Variants in CTNNA1 observed in about 807,000 individuals in gnomAD.
The protein encoded by CTNNA1 is catenin alpha-1.
CTNNA1 carries 37 observed loss-of-function variants against 98.4 expected under a neutral mutation model. That is an observed-to-expected ratio of 0.38 (90% CI 0.29 to 0.49). The LOEUF (loss-of-function observed/expected upper bound fraction) is 0.49. Among genes scored for constraint, CTNNA1 ranks in the 20% least tolerant of loss-of-function variants. The probability of loss-of-function intolerance (pLI) is 0.95; values close to 1 mark genes in which losing one functional copy is unlikely to be tolerated. For missense variants in CTNNA1, 761 were observed against 1,147.2 expected, an observed-to-expected ratio of 0.66 and a Z score of 4.86; for synonymous variants, 404 against 413.2, an observed-to-expected ratio of 0.98 and a Z score of 0.27.
intron 8 of CTNNA1, 117 bp from the exon 9 acceptor site, chr5:138,887,373 A>G (rs1438965909): frequency 1.5e-6 from 1 of 680,224 alleles, no homozygotes; most frequent in Non-Finnish European, 2.4e-6. Flanking sequence ...TCCTCATGTA[A>G]GTGCAGCAAG....
At chr5:138,837,506 C>T (rs898263450) in intron 7 of CTNNA1, among the ~76,000 whole-genome samples, 1 of 106,656 alleles carries the variant, frequency 9.4e-6, no homozygotes, top group Non-Finnish European at 1.9e-5. Context: ...CTTCCCCCTC[C>T]CCCTCCTCCC....
intron 4 of CTNNA1, among the ~76,000 whole-genome samples, chr5:138,810,679 A>G (rs983328155): frequency 6.6e-6 from 1 of 152,180 alleles, no homozygotes; most frequent in Non-Finnish European, 1.5e-5. Context: ...GAAGTTTCCC[A>G]TGTCTACTTC....
chr5:138,755,575 A>T (rs1007350290), intron 1 of CTNNA1, among the ~76,000 whole-genome samples: 3 of 152,170 alleles, frequency 2.0e-5, no homozygotes, highest in Admixed American at 6.5e-5. Flanking sequence ...TCATATAGTG[A>T]CTTAGAGATG....
At chr5:138,774,921 TTTAAG>T (rs1245288900) in intron 1 of CTNNA1, among the ~76,000 whole-genome samples, 1 of 152,224 alleles carries the variant, frequency 6.6e-6, no homozygotes, top group African/African-American at 2.4e-5. Flanking sequence ...TGCCACCTTT[TTTAAG>T]TTAAGAAGTA....
At chr5:138,930,001 T>C (rs891975565) in intron 14 of CTNNA1, among the ~76,000 whole-genome samples, 5 of 152,134 alleles carry the variant, frequency 3.3e-5, no homozygotes, top group Non-Finnish European at 7.4e-5. Context: ...GGCCTCCAGG[T>C]GTTGCTCAAG....
At chr5:138,929,424 C>T in intron 14 of CTNNA1, 68 bp downstream of exon 14, 1 of 776,906 alleles carries the variant, frequency 1.3e-6, no homozygotes. Context: ...TTCTTGTTTC[C>T]AGGAAAACAC....
chr5:138,930,355 C>T, intron 14 of CTNNA1, 118 bp from the exon 15 acceptor site: 2 of 733,004 alleles, frequency 2.7e-6, no homozygotes. Context: ...GAAATGAAAC[C>T]TATTAAAGCA....
chr5:138,859,437 CT>C (rs1310675637), intron 7 of CTNNA1, among the ~76,000 whole-genome samples: 1 of 152,148 alleles, frequency 6.6e-6, no homozygotes, highest in African/African-American at 2.4e-5. Flanking sequence ...CGGATGATGA[CT>C]TCTAAATTTA....
intron 7 of CTNNA1, among the ~76,000 whole-genome samples, chr5:138,834,408 A>G (rs768906476): frequency 5.9e-5 from 9 of 152,148 alleles, no homozygotes; most frequent in Non-Finnish European, 8.8e-5. Flanking sequence ...TGTTGTTAGT[A>G]ATGATTGTCC....
At chr5:138,894,946 C>T (rs563900650) in intron 9 of CTNNA1, among the ~76,000 whole-genome samples, 3 of 152,290 alleles carry the variant, frequency 2.0e-5, no homozygotes, top group Non-Finnish European at 2.9e-5. Context: ...GAACGCTTAT[C>T]CCCTCCATTG....
rs1467470716 is a variant in CTNNA1, at chr5:138,893,413, T to C, written c.1296+5771T>C. ...TGGGTGGGTGTTTGGCTCTTATGTA[T>C]GGCTTTGAAACTCATCTAGTATAAC... On this transcript the variant is annotated intron_variant, in intron 9 of 17. Transcript: ENST00000302763. Among the ~76,000 whole-genome samples, 5 of 152,242 alleles carry C rather than the reference T, an allele frequency of 3.3e-5. No individual in the cohort carries two copies. The East Asian group carries it at 9.6e-4, about 29-fold the overall frequency.
chr5:138,856,731 G>A (rs1049317642), intron 7 of CTNNA1, among the ~76,000 whole-genome samples: 1 of 152,098 alleles, frequency 6.6e-6, no homozygotes, highest in African/African-American at 2.4e-5. Context: ...TTGGCAGAAG[G>A]GTGGATTTTA....
At chr5:138,820,920 A>G (rs1759977944) in intron 5 of CTNNA1, among the ~76,000 whole-genome samples, 1 of 152,182 alleles carries the variant, frequency 6.6e-6, no homozygotes, top group Non-Finnish European at 1.5e-5. Context: ...TCATCTAACA[A>G]ATGGTGGAGC....
chr5:138,866,507 A>G (rs1160618311), intron 7 of CTNNA1, among the ~76,000 whole-genome samples: 4 of 152,094 alleles, frequency 2.6e-5, no homozygotes, highest in African/African-American at 4.8e-5. Flanking sequence ...TGCAGTTTTC[A>G]TATCTGTTTC....
chr5:138,820,911 C>T (rs760211938), intron 5 of CTNNA1, among the ~76,000 whole-genome samples: 11 of 152,178 alleles, frequency 7.2e-5, no homozygotes, highest in Non-Finnish European at 1.5e-4. Context: ...CAAGGTCACT[C>T]ATCTAACAAA....
rs1468605040 is a variant in CTNNA1 at position 138,923,008 on chromosome 5, G to A, written c.1547-1502G>A. ...TGGAAGTTTGGGTCACTTTTGAACGGAAAGGAATGCCATACTTCATTGATT... is the reference window on the plus strand; with the variant it reads ...TGGAAGTTTGGGTCACTTTTGAACGAAAAGGAATGCCATACTTCATTGATT... On this transcript the variant is annotated intron_variant, in intron 11 of 17. Transcript: ENST00000302763. Among the ~76,000 whole-genome samples, 5 of 141,800 alleles carry A rather than the reference G, an allele frequency of 3.5e-5. 1 individual carries two copies. Among genetic ancestry groups the A allele is most frequent in the Admixed American group, 3.5e-4 (5 of 14,402 alleles). 93.0% of individuals were successfully genotyped at this position (141,800 alleles called of 152,430 possible).
intron 9 of CTNNA1, among the ~76,000 whole-genome samples, chr5:138,894,178 C>T (rs530643477): frequency 6.6e-6 from 1 of 152,078 alleles, no homozygotes; most frequent in East Asian, 1.9e-4. Flanking sequence ...CTCAGCCTCC[C>T]AAAGTGCTAG....
At chr5:138,757,732 AGTTCTTGTCTTG>A (rs199926407) in intron 1 of CTNNA1, among the ~76,000 whole-genome samples, 4,998 of 152,216 alleles carry the variant, frequency 0.033, 234 homozygotes, top group African/African-American at 0.1. Context: ...TGAGAGTCTT[AGTTCTTGTCTTG>A]GTGCTTAGTA....
In CTNNA1 at chr5:138,776,943, G is replaced by A. The variant is rs1274569469; in HGVS notation, c.-2-4980G>A. On this transcript the variant is annotated intron_variant, in intron 1 of 17. Coordinates refer to ENST00000302763, the MANE Select transcript of CTNNA1 (RefSeq NM_001903.5). ...TCCCGGACGGGGCGGCTGGCCGGGCGGGGGGCTGACTCCCCCACCTCCCTC... is the reference window on the plus strand; with the variant it reads ...TCCCGGACGGGGCGGCTGGCCGGGCAGGGGGCTGACTCCCCCACCTCCCTC... Among the ~76,000 whole-genome samples the A allele has an allele frequency of 5.9e-4, 79 of 134,378 alleles. 1 individual carries two copies. The highest frequency in any genetic ancestry group is 2.2e-3 in the African/African-American group (74 of 33,230). The allele number at this position is 134,378 out of a possible 152,430, so 88.2% of individuals were successfully genotyped here.
Sources: gnomAD v4.1 joint callset for allele counts (sites outside exome capture counted in the v4.1 genomes callset) on GRCh38, gnomAD v4.1.1 for gene constraint, MANE v1.5 for transcripts, NCBI Gene and HGNC (gene_info 2026-07-23, HGNC 2026-07-21) for gene names.